Variants in CEP43 observed in about 807,000 individuals in gnomAD.
CEP43 encodes FGFR1 oncogene partner.
In CEP43, 36 loss-of-function variants were observed where a neutral mutation model predicts 52.6. That is an observed-to-expected ratio of 0.68 (90% CI 0.52 to 0.90). The LOEUF (loss-of-function observed/expected upper bound fraction) is 0.90. CEP43 is among the 40% of genes least tolerant of loss of function. CEP43 has a pLI of 0.00. For missense variants in CEP43, 506 were observed against 472.8 expected, an observed-to-expected ratio of 1.07 and a Z score of -0.65; for synonymous variants, 192 against 172.4, an observed-to-expected ratio of 1.11 and a Z score of -0.89.
intron 12 of CEP43, chr6:167,036,030 C>T (rs1780578474): frequency 2.0e-6 from 2 of 981,172 alleles, no homozygotes; most frequent in South Asian, 9.4e-5. Flanking sequence ...TCACAATAGA[C>T]ATTTCTGTCG....
At chr6:167,027,100 C>T (rs1400577572) in intron 10 of CEP43, among the ~76,000 whole-genome samples, 1 of 152,210 alleles carries the variant, frequency 6.6e-6, no homozygotes. Flanking sequence ...GCTGGTAGTA[C>T]ATGGTCCAGG....
chr6:167,009,499 CAAAAAAAAAAAAAAAAAA>C (rs139374939), intron 5 of CEP43, among the ~76,000 whole-genome samples: 2 of 44,126 alleles, frequency 4.5e-5, no homozygotes, highest in South Asian at 1.2e-3. Flanking sequence ...GACTCTGTCT[CAAAAAAAAAAAAAAAAAA>C]AAAAAAAAAA....
Position 167,040,568 on chromosome 6 carries a change from T to C in CEP43, c.*590T>C. 1 of 1,067,736 alleles carries C rather than the reference T, an allele frequency of 9.4e-7. No homozygotes were observed. The highest frequency in any genetic ancestry group is 1.1e-6 in the Non-Finnish European group (1 of 878,130). 66.1% of individuals were successfully genotyped at this position (1,067,736 alleles called of 1,614,324 possible). ...CATTAAGGTTATATTAAAGTACTCT[T>C]GTGTGTGCTATTTAGTTTTGCTTGT... On this transcript the variant is annotated 3_prime_UTR_variant, in exon 13 of 13. Coordinates refer to ENST00000366847, the MANE Select transcript of CEP43 (RefSeq NM_007045.4).
chr6:167,038,465 C>T (rs1464674081), intron 12 of CEP43, among the ~76,000 whole-genome samples: 1 of 152,126 alleles, frequency 6.6e-6, no homozygotes, highest in South Asian at 2.1e-4. Context: ...TGAAATTTAA[C>T]GTGGGTAAAT....
intron 12 of CEP43, 50 bp from the exon 13 acceptor site, chr6:167,039,854 A>G (rs1780657234): frequency 3.1e-6 from 5 of 1,598,396 alleles, no homozygotes; most frequent in Non-Finnish European, 4.3e-6. Flanking sequence ...ATAACTTAAG[A>G]CTACTCACAT....
chr6:167,031,822 A>G (rs1036443910), intron 10 of CEP43, among the ~76,000 whole-genome samples: 6 of 152,198 alleles, frequency 3.9e-5, no homozygotes, highest in African/African-American at 1.4e-4. Flanking sequence ...CTGGGAGGGA[A>G]GGGCTGCTGA....
intron 12 of CEP43, among the ~76,000 whole-genome samples, chr6:167,035,577 T>G (rs1039815530): frequency 8.6e-5 from 13 of 151,810 alleles, no homozygotes; most frequent in Non-Finnish European, 1.9e-4. Flanking sequence ...TTTTGTTTTT[T>G]TTTTTTTTAG....
intron 10 of CEP43, among the ~76,000 whole-genome samples, chr6:167,031,097 T>G (rs1780461456): frequency 6.6e-6 from 1 of 152,158 alleles, no homozygotes; most frequent in Non-Finnish European, 1.5e-5. Context: ...TAAAATAAAT[T>G]TTTAATTTTT....
intron 1 of CEP43, 111 bp from the exon 2 acceptor site, chr6:166,999,949 A>T (rs894390481): frequency 1.2e-6 from 1 of 867,056 alleles, no homozygotes; most frequent in Non-Finnish European, 1.9e-6. Context: ...TGACCTTTGC[A>T]CCTGCCCTCC....
intron 12 of CEP43, among the ~76,000 whole-genome samples, chr6:167,039,353 TC>T (rs1235606431): frequency 7.2e-5 from 11 of 152,212 alleles, no homozygotes; most frequent in Admixed American, 3.3e-4. Flanking sequence ...GGTCTTGAAC[TC>T]CTGACCTCAG....
intron 1 of CEP43, 145 bp from the exon 2 acceptor site, chr6:166,999,915 T>G: frequency 1.6e-6 from 1 of 633,848 alleles, no homozygotes; most frequent in Non-Finnish European, 2.8e-6. Context: ...CTTGTGTGAC[T>G]GAGAACGTTT....
chr6:167,012,684 T>C (rs965510003), intron 6 of CEP43, among the ~76,000 whole-genome samples: 2 of 152,240 alleles, frequency 1.3e-5, no homozygotes, highest in African/African-American at 4.8e-5. Flanking sequence ...TTTTACGTAC[T>C]CTTATTCTCC....
rs1004913258 is a variant in CEP43, at chr6:167,041,229, C to T, written c.*1251C>T. ...ATGCCAGTTTCTCATTTCATATTAG[C>T]CTAAATATTACAGAAATTACTCCTT... On this transcript the variant is annotated 3_prime_UTR_variant, in exon 13 of 13. Transcript: ENST00000366847. The T allele has an allele frequency of 7.6e-6, 8 of 1,047,182 alleles. No homozygotes were observed. The highest frequency in any genetic ancestry group is 9.2e-5 in the South Asian group (2 of 21,804). 64.9% of individuals were successfully genotyped at this position (1,047,182 alleles called of 1,614,324 possible).
Position 167,044,415 on chromosome 6 carries a change from A to T in CEP43, c.*4437A>T. On this transcript the variant is annotated 3_prime_UTR_variant, in exon 13 of 13. Coordinates refer to ENST00000366847, the MANE Select transcript of CEP43 (RefSeq NM_007045.4). Reference sequence around the variant, plus strand: ...AATCTTTATGTTTAGCAAGAAGACCAAGATGACAAGATGCGCCAGGAGACT... The same window carrying T: ...AATCTTTATGTTTAGCAAGAAGACCTAGATGACAAGATGCGCCAGGAGACT... 1 of 985,454 alleles carries T rather than the reference A, an allele frequency of 1.0e-6. No homozygotes were observed. Among genetic ancestry groups the T allele is most frequent in the Non-Finnish European group, 1.2e-6 (1 of 829,918 alleles). The allele number at this position is 985,454 out of a possible 1,614,324, so 61.0% of individuals were successfully genotyped here.
At chr6:167,026,000 G>A (rs1780346903) in intron 9 of CEP43, among the ~76,000 whole-genome samples, 1 of 152,200 alleles carries the variant, frequency 6.6e-6, no homozygotes. Flanking sequence ...TATGGAAAGT[G>A]ATGTCTTATA....
Position 167,036,167 on chromosome 6 carries a change from C to T in CEP43, c.1125+2196C>T, listed in dbSNP as rs185595144. The T allele has an allele frequency of 3.2e-3, 3,199 of 985,286 alleles. 8 individuals are homozygous for T. Among genetic ancestry groups the T allele is most frequent in the Non-Finnish European group, 3.8e-3 (3,114 of 829,902 alleles). 61.0% of individuals were successfully genotyped at this position (985,286 alleles called of 1,614,324 possible). Reference sequence around the variant, plus strand: ...CCATAAAATGCCAGTCATTCATGGGCCATGAAAATTCAGAAGCAGGAACTA... The same window carrying T: ...CCATAAAATGCCAGTCATTCATGGGTCATGAAAATTCAGAAGCAGGAACTA... On this transcript the variant is annotated intron_variant, in intron 12 of 12. Transcript: ENST00000366847.
At chr6:167,003,146 GT>G in intron 2 of CEP43, 46 bp from the exon 3 acceptor site, 1 of 841,564 alleles carries the variant, frequency 1.2e-6, no homozygotes. Flanking sequence ...TTTTGTAGTT[GT>G]TTTTAGGGTA....
chr6:167,003,324 T>C lies in CEP43; in HGVS notation c.211+77T>C, dbSNP rs1779780052. The C allele has an allele frequency of 3.9e-6, 3 of 768,678 alleles. No individual in the cohort carries two copies. The African/African-American group carries it at 5.5e-5, about 14-fold the overall frequency. The allele number at this position is 768,678 out of a possible 1,614,324, so 47.6% of individuals were successfully genotyped here. On this transcript the variant is annotated intron_variant, in intron 3 of 12. Transcript: ENST00000366847. Reference sequence around the variant, plus strand: ...GATACCATTTGGGAGAAATCAGGAATTTCAGGGCTTTTTTTTTGTCTTCAA... The same window carrying C: ...GATACCATTTGGGAGAAATCAGGAACTTCAGGGCTTTTTTTTTGTCTTCAA...
chr6:167,008,207 C>T (rs1032730488), intron 5 of CEP43, among the ~76,000 whole-genome samples: 98 of 149,966 alleles, frequency 6.5e-4, no homozygotes, highest in Non-Finnish European at 1.2e-3. Flanking sequence ...TGTGTTTTTT[C>T]GCCTTCTCTT....
Sources: allele counts gnomAD v4.1 joint callset (sites outside exome capture counted in the v4.1 genomes callset), GRCh38; gene constraint gnomAD v4.1.1; transcripts MANE v1.5; gene names NCBI Gene and HGNC (gene_info 2026-07-23, HGNC 2026-07-21).